The following SLC1A7 variants were observed in gnomAD, a reference collection of about 807,000 sequenced individuals.
SLC1A7 encodes the protein solute carrier family 1 member 7.
A neutral mutation model predicts 47.7 loss-of-function variants in SLC1A7; 40 were observed. That is an observed-to-expected ratio of 0.84 (90% CI 0.65 to 1.09). The LOEUF (loss-of-function observed/expected upper bound fraction) is 1.09, where lower values mean the gene tolerates loss of function less well. SLC1A7 is among the 50% of genes least tolerant of loss of function. The pLI is 0.00. For missense variants in SLC1A7, 746 were observed against 769.5 expected, an observed-to-expected ratio of 0.97 and a Z score of 0.36; for synonymous variants, 323 against 325.6, an observed-to-expected ratio of 0.99 and a Z score of 0.09.
chr1:53,126,118 G>GCAAA (rs1347490755), intron 2 of SLC1A7, among the ~76,000 whole-genome samples: 1 of 152,186 alleles, frequency 6.6e-6, no homozygotes, highest in Non-Finnish European at 1.5e-5. Context: ...GTTTCTTTAA[G>GCAAA]CAAACACCAG....
At chr1:53,091,856 A>G (rs114829887) in intron 7 of SLC1A7, among the ~76,000 whole-genome samples, 2,027 of 152,318 alleles carry the variant, frequency 0.013, 16 homozygotes, top group Non-Finnish European at 0.022. Flanking sequence ...TAGATGCTCC[A>G]TAAGGGACCA....
At chr1:53,124,605 C>T (rs1175668401) in intron 2 of SLC1A7, among the ~76,000 whole-genome samples, 1 of 151,782 alleles carries the variant, frequency 6.6e-6, no homozygotes, top group Non-Finnish European at 1.5e-5. Context: ...CAAAGTCTAG[C>T]CTCAGTGGAA....
At chr1:53,103,611 G>T (rs749153760) in intron 4 of SLC1A7, 43 bp from the exon 5 acceptor site, 1 of 1,227,088 alleles carries the variant, frequency 8.1e-7, no homozygotes. Context: ...AGGGCCAAGG[G>T]TTGTTACTAA....
At chr1:53,097,331 C>T (rs1209647576) in intron 5 of SLC1A7, among the ~76,000 whole-genome samples, 2 of 150,772 alleles carry the variant, frequency 1.3e-5, no homozygotes, top group Non-Finnish European at 3.0e-5. Flanking sequence ...TTGGTGCACT[C>T]ACACAACCTG....
chr1:53,134,798 G>GC (rs1235794824), intron 1 of SLC1A7, among the ~76,000 whole-genome samples: 1 of 152,102 alleles, frequency 6.6e-6, no homozygotes, highest in Non-Finnish European at 1.5e-5. Context: ...TGTGGACGTT[G>GC]TTTTTTTCCT....
intron 1 of SLC1A7, among the ~76,000 whole-genome samples, chr1:53,135,967 A>T (rs1644988419): frequency 6.6e-6 from 1 of 151,812 alleles, no homozygotes; most frequent in Non-Finnish European, 1.5e-5. Context: ...TGGTGCTATG[A>T]GGGGACTCTT....
At chr1:53,131,879 C>G (rs767188029) in intron 2 of SLC1A7, among the ~76,000 whole-genome samples, 15 of 152,070 alleles carry the variant, frequency 9.9e-5, no homozygotes, top group Non-Finnish European at 1.6e-4. Flanking sequence ...CGGGAGGGAA[C>G]AGGGTACAGT....
rs1439632805 is a variant in SLC1A7, at chr1:53,100,583, ACCTCAGTACACTCACACAACCTG to A, written c.697+2740_697+2762del. ...CTGCCTCAATACACATACACATACC[ACCTCAGTACACTCACACAACCTG>A]CCTCGGTACACTCACACAACCCGTC... On this transcript the variant is annotated intron_variant, in intron 5 of 10. Transcript: ENST00000371494. Among the ~76,000 whole-genome samples, 526 of 139,906 alleles carry A rather than the reference ACCTCAGTACACTCACACAACCTG, an allele frequency of 3.8e-3. 2 individuals carry two copies. The highest frequency in any genetic ancestry group is 0.014 in the African/African-American group (506 of 34,976). The allele number at this position is 139,906 out of a possible 152,430, so 91.8% of individuals were successfully genotyped here.
At chr1:53,135,247 C>T (rs1644979868) in intron 1 of SLC1A7, among the ~76,000 whole-genome samples, 1 of 152,196 alleles carries the variant, frequency 6.6e-6, no homozygotes, top group Non-Finnish European at 1.5e-5. Flanking sequence ...ATTCAACCCG[C>T]ATCGTGCCAC....
At chr1:53,092,925 G>A (rs1236163449) in intron 6 of SLC1A7, 138 bp from the exon 7 acceptor site, 7 of 634,790 alleles carry the variant, frequency 1.1e-5, no homozygotes, top group South Asian at 3.7e-5. Flanking sequence ...CAAGGTGCCC[G>A]GCCCAGGCTC....
intron 3 of SLC1A7, among the ~76,000 whole-genome samples, chr1:53,113,252 C>T (rs907538513): frequency 6.6e-6 from 1 of 152,094 alleles, no homozygotes; most frequent in Non-Finnish European, 1.5e-5. Flanking sequence ...TGGGGCTTCC[C>T]AGGCTCCATC....
chr1:53,130,502 C>T (rs1413446736), intron 2 of SLC1A7, among the ~76,000 whole-genome samples: 1 of 150,308 alleles, frequency 6.7e-6, no homozygotes. Context: ...CATCCCCCCA[C>T]TCCCCCGCTA....
At chr1:53,115,282 A>C in intron 2 of SLC1A7, 3 of 427,624 alleles carry the variant, frequency 7.0e-6, no homozygotes, top group East Asian at 8.3e-5. Flanking sequence ...TAATTAAGGA[A>C]ATGCGTGTGC....
intron 1 of SLC1A7, among the ~76,000 whole-genome samples, chr1:53,139,339 A>G (rs760086959): frequency 9.2e-5 from 14 of 152,224 alleles, no homozygotes; most frequent in Non-Finnish European, 2.1e-4. Context: ...CTCAGCTGAC[A>G]GCGATCTGAA....
intron 2 of SLC1A7, among the ~76,000 whole-genome samples, chr1:53,121,696 G>A (rs1370675518): frequency 1.3e-5 from 2 of 152,226 alleles, no homozygotes; most frequent in Admixed American, 6.5e-5. Context: ...ACAGACATGT[G>A]TTGGGCCGCA....
rs981614983 is a variant in SLC1A7 at position 53,090,219 on chromosome 1, G to C, written c.1227-285C>G. On this transcript the variant is annotated intron_variant, in intron 8 of 10. Transcript: ENST00000371494. Reference sequence around the variant, plus strand: ...GGTTCCAGGAAGCTATATTGCTATGGGGCTGCCCAGGGACTCTGACTGACC... The same window carrying C: ...GGTTCCAGGAAGCTATATTGCTATGCGGCTGCCCAGGGACTCTGACTGACC... 3.0e-5 allele frequency: 17 copies of C among 566,830 alleles called. No homozygotes were observed. In the African/African-American group the frequency reaches 3.2e-4, roughly 11 times the overall value. The allele number at this position is 566,830 out of a possible 1,614,324, so 35.1% of individuals were successfully genotyped here. A position where few individuals can be genotyped will look rare whatever the true frequency, so the allele number is the denominator to read the frequency against.
chr1:53,118,688 C>G (rs985983684), intron 2 of SLC1A7: 1 of 152,152 alleles, frequency 6.6e-6, no homozygotes, highest in African/African-American at 2.4e-5. Flanking sequence ...ATTATCATTT[C>G]AATATGTCAT....
In SLC1A7 at chr1:53,087,761, C is replaced by A. The variant is rs535306394; in HGVS notation, c.*248G>T. On this transcript the variant is annotated 3_prime_UTR_variant, in exon 11 of 11. Coordinates refer to ENST00000371494, the MANE Select transcript of SLC1A7 (RefSeq NM_006671.6). Reference sequence around the variant, plus strand: ...CCTGCCGCCCTCACCGGGCTCACACCGGGGAAACTGTCACAGCGGGGCCTC... The same window carrying A: ...CCTGCCGCCCTCACCGGGCTCACACAGGGGAAACTGTCACAGCGGGGCCTC... 7 of 347,006 alleles carry A rather than the reference C, an allele frequency of 2.0e-5. No homozygotes were observed. Among genetic ancestry groups the A allele is most frequent in the African/African-American group, 1.0e-4 (5 of 47,766 alleles). 21.5% of individuals were successfully genotyped at this position (347,006 alleles called of 1,614,324 possible). A position where few individuals can be genotyped will look rare whatever the true frequency, so the allele number is the denominator to read the frequency against.
intron 2 of SLC1A7, among the ~76,000 whole-genome samples, chr1:53,120,966 G>A (rs1037958810): frequency 6.6e-6 from 1 of 152,252 alleles, no homozygotes; most frequent in Non-Finnish European, 1.5e-5. Context: ...ACTGGGCCTG[G>A]GTGTGCCTCA....
Sources: allele counts gnomAD v4.1 joint callset (sites outside exome capture counted in the v4.1 genomes callset), GRCh38; gene constraint gnomAD v4.1.1; transcripts MANE v1.5; gene names NCBI Gene and HGNC (gene_info 2026-07-23, HGNC 2026-07-21).